The following LINGO2 variants were observed in gnomAD, a reference collection of about 807,000 sequenced individuals.
The protein encoded by LINGO2 is leucine-rich repeat and immunoglobulin-like domain-containing nogo receptor-interacting protein 2.
A neutral mutation model predicts 30.6 loss-of-function variants in LINGO2; 14 were observed. That is an observed-to-expected ratio of 0.46 (90% CI 0.30 to 0.72). The LOEUF (loss-of-function observed/expected upper bound fraction) is 0.72. LINGO2 is among the 30% of genes least tolerant of loss of function. The pLI, the probability that LINGO2 is intolerant of heterozygous loss-of-function variation, is 0.07. For synonymous variants in LINGO2, 317 were observed against 288.5 expected, an observed-to-expected ratio of 1.10 and a Z score of -1.00; for missense variants, 729 against 751.7, an observed-to-expected ratio of 0.97 and a Z score of 0.35.
At position 28,634,774 on chromosome 9, in the gene LINGO2, C is replaced by T. The variant is rs150440188; in HGVS notation, c.-365+35426G>A. Among the ~76,000 whole-genome samples the T allele has an allele frequency of 8.2e-3, 1,248 of 152,222 alleles. 26 individuals are homozygous for T. The highest frequency in any genetic ancestry group is 0.036 in the East Asian group (188 of 5,170). ...GTGCTAGGATTACAGGCATGAGCCACCGCACCCGGCCTCCCTACTTTCAAC... is the reference window on the plus strand; with the variant it reads ...GTGCTAGGATTACAGGCATGAGCCATCGCACCCGGCCTCCCTACTTTCAAC... On this transcript the variant is annotated intron_variant, in intron 1 of 5. Transcript: ENST00000379992.
intron 1 of LINGO2, among the ~76,000 whole-genome samples, chr9:28,664,721 AG>A (rs1828724555): frequency 1.3e-5 from 2 of 151,964 alleles, no homozygotes; most frequent in African/African-American, 4.8e-5. Flanking sequence ...TTTGTCTCCC[AG>A]AATGCTCTTT....
chr9:29,042,841 CAT>C, the LINGO2 span, among the ~76,000 whole-genome samples: 3 of 151,902 alleles, frequency 2.0e-5, no homozygotes, highest in East Asian at 3.9e-4. Flanking sequence ...AGTTACATAA[CAT>C]ATGTTTTTAT....
chr9:28,275,689 T>C (rs1377430244), intron 4 of LINGO2, among the ~76,000 whole-genome samples: 1 of 152,136 alleles, frequency 6.6e-6, no homozygotes, highest in African/African-American at 2.4e-5. Context: ...AAAAACAAAG[T>C]TGAAAATTCA....
chr9:28,690,117 T>C, the LINGO2 span, among the ~76,000 whole-genome samples: 1 of 152,096 alleles, frequency 6.6e-6, no homozygotes, highest in Non-Finnish European at 1.5e-5. Flanking sequence ...GAATAGCTAA[T>C]GGATGCTGGG....
intron 4 of LINGO2, among the ~76,000 whole-genome samples, chr9:28,173,843 T>C (rs1015843193): frequency 6.6e-6 from 1 of 152,240 alleles, no homozygotes; most frequent in African/African-American, 2.4e-5. Context: ...TTTTCCCATG[T>C]CTTTTAGGGA....
At chr9:28,335,446 T>C (rs1173199142) in intron 3 of LINGO2, among the ~76,000 whole-genome samples, 1 of 152,178 alleles carries the variant, frequency 6.6e-6, no homozygotes, top group East Asian at 1.9e-4. Context: ...TTTCATATTC[T>C]ACTGCACAAA....
At chr9:28,841,672 G>A in the LINGO2 span, among the ~76,000 whole-genome samples, 1 of 151,592 alleles carries the variant, frequency 6.6e-6, no homozygotes, top group Admixed American at 6.6e-5. Context: ...TGGGTGGGTT[G>A]GGAATTGCAA....
intron 2 of LINGO2, among the ~76,000 whole-genome samples, chr9:28,467,468 A>G (rs139953657): frequency 6.6e-6 from 1 of 152,294 alleles, no homozygotes; most frequent in Non-Finnish European, 1.5e-5. Context: ...CATATTTTTT[A>G]GTCATTGGAA....
the LINGO2 span, among the ~76,000 whole-genome samples, chr9:28,941,132 G>A: frequency 6.6e-6 from 1 of 151,996 alleles, no homozygotes; most frequent in Non-Finnish European, 1.5e-5. Context: ...TTTCAGCAAG[G>A]GCAATAAATG....
intron 1 of LINGO2, among the ~76,000 whole-genome samples, chr9:28,535,497 A>C (rs1196545970): frequency 1.3e-5 from 2 of 152,106 alleles, no homozygotes; most frequent in Non-Finnish European, 2.9e-5. Context: ...CCTGATATAT[A>C]TTGCCATGAT....
At chr9:27,959,462 C>T (rs931064776) in intron 5 of LINGO2, among the ~76,000 whole-genome samples, 5 of 151,972 alleles carry the variant, frequency 3.3e-5, no homozygotes, top group African/African-American at 1.2e-4. Context: ...AAGTATCATT[C>T]GGTCAAAAAC....
chr9:27,992,813 C>T (rs1388453987), intron 5 of LINGO2, among the ~76,000 whole-genome samples: 1 of 151,802 alleles, frequency 6.6e-6, no homozygotes, highest in Non-Finnish European at 1.5e-5. Context: ...TAAATGGTGC[C>T]TTGTGTGAAG....
intron 2 of LINGO2, among the ~76,000 whole-genome samples, chr9:28,447,048 G>T (rs1444912199): frequency 1.3e-5 from 2 of 152,040 alleles, no homozygotes; most frequent in African/African-American, 2.4e-5. Flanking sequence ...TATCCCTTTG[G>T]CTGTCTAACT....
intron 4 of LINGO2, among the ~76,000 whole-genome samples, chr9:28,277,922 C>G (rs1353479044): frequency 6.6e-6 from 1 of 151,048 alleles, no homozygotes; most frequent in Non-Finnish European, 1.5e-5. Flanking sequence ...GGGCTGAAAG[C>G]TGGGCCTCTT....
chr9:28,121,163 G>C (rs1395728089), intron 4 of LINGO2, among the ~76,000 whole-genome samples: 3 of 151,910 alleles, frequency 2.0e-5, no homozygotes, highest in African/African-American at 7.2e-5. Flanking sequence ...AAAGAAATAA[G>C]AATAAAGGGG....
At chr9:28,923,632 G>T in the LINGO2 span, among the ~76,000 whole-genome samples, 1 of 68,164 alleles carries the variant, frequency 1.5e-5, no homozygotes, top group Non-Finnish European at 3.7e-5. Flanking sequence ...ATGGGAATAG[G>T]CCACTCGGGA....
the LINGO2 span, among the ~76,000 whole-genome samples, chr9:28,887,276 T>C: frequency 6.6e-6 from 1 of 151,452 alleles, no homozygotes; most frequent in Non-Finnish European, 1.5e-5. Context: ...ATTGAAAGGA[T>C]TTTTTTTTCT....
the LINGO2 span, among the ~76,000 whole-genome samples, chr9:29,034,508 C>T: frequency 6.6e-6 from 1 of 152,110 alleles, no homozygotes; most frequent in Admixed American, 6.6e-5. Flanking sequence ...AAATTAATCT[C>T]TGCCATATTT....
At chr9:28,670,280 C>G (rs1027189918) in exon 1 of LINGO2, 3 of 152,002 alleles carry the variant, frequency 2.0e-5, no homozygotes, top group African/African-American at 7.2e-5. Context: ...CTCATCAATT[C>G]CTACAAATAA....
Sources: gnomAD v4.1 joint callset for allele counts (sites outside exome capture counted in the v4.1 genomes callset) on GRCh38, gnomAD v4.1.1 for gene constraint, MANE v1.5 for transcripts, NCBI Gene and HGNC (gene_info 2026-07-23, HGNC 2026-07-21) for gene names.